TSPAN7: variants seen among roughly 807,000 people sequenced by gnomAD.
TSPAN7 encodes tetraspanin-7.
In TSPAN7, 1 loss-of-function variant was observed where a neutral mutation model predicts 17.6. The ratio of observed to expected loss-of-function variants is 0.06; its 90% CI spans 0.02 to 0.27. The LOEUF is 0.27. TSPAN7 is among the 10% of genes least tolerant of loss of function. The pLI is 1.00. For synonymous variants in TSPAN7, 78 were observed against 79.0 expected, an observed-to-expected ratio of 0.99 and a Z score of 0.07; for missense variants, 112 against 201.7, an observed-to-expected ratio of 0.56 and a Z score of 2.69.
At chrX:38,655,986 G>A (rs1027790257) in intron 1 of TSPAN7, 23 of 322,102 alleles carry the variant, frequency 7.1e-5, no homozygotes, top group East Asian at 9.8e-5. Flanking sequence ...GTTACGATTC[G>A]TTTTTCCAGA....
At chrX:38,618,273 C>T (rs1023358942) in intron 1 of TSPAN7, among the ~76,000 whole-genome samples, 9 of 112,403 alleles carry the variant, frequency 8.0e-5, no homozygotes, top group African/African-American at 2.9e-4. Context: ...TGTTCATCTC[C>T]ATCAAATGCT....
At chrX:38,644,267 T>G (rs146123710) in intron 1 of TSPAN7, among the ~76,000 whole-genome samples, 312 of 111,945 alleles carry the variant, frequency 2.8e-3, no homozygotes, top group Non-Finnish European at 4.9e-3. Context: ...ATAGCTGCAC[T>G]GTTGTTCTGG....
intron 1 of TSPAN7, among the ~76,000 whole-genome samples, chrX:38,578,982 A>G (rs1282519735): frequency 3.6e-5 from 4 of 111,544 alleles, no homozygotes; most frequent in Admixed American, 9.5e-5. Flanking sequence ...AAAACAATGC[A>G]TGTAACAAAT....
At chrX:38,671,255 A>G in intron 2 of TSPAN7, 121 bp from the exon 3 acceptor site, 1 of 682,375 alleles carries the variant, frequency 1.5e-6, no homozygotes, top group Non-Finnish European at 2.4e-6. Flanking sequence ...TTTTTTCTAA[A>G]CTTTGTCTAG....
intron 6 of TSPAN7, among the ~76,000 whole-genome samples, chrX:38,682,101 C>A (rs2069896505): frequency 8.9e-6 from 1 of 112,534 alleles, no homozygotes; most frequent in South Asian, 3.7e-4. Flanking sequence ...TTAACTCAGA[C>A]TTTGTTCAGA....
intron 1 of TSPAN7, among the ~76,000 whole-genome samples, chrX:38,625,186 T>C (rs377668172): frequency 1.4e-3 from 152 of 111,221 alleles, no homozygotes; most frequent in African/African-American, 4.8e-3. Context: ...CTTATTATTG[T>C]CTCCCTTAAT....
At chrX:38,669,265 G>C (rs2069804847) in intron 2 of TSPAN7, among the ~76,000 whole-genome samples, 1 of 111,304 alleles carries the variant, frequency 9.0e-6, no homozygotes, top group Non-Finnish European at 1.9e-5. Flanking sequence ...AATATGATTT[G>C]GTCCTTTTAT....
At chrX:38,580,670 A>G (rs186266342) in intron 1 of TSPAN7, among the ~76,000 whole-genome samples, 6 of 112,262 alleles carry the variant, frequency 5.3e-5, no homozygotes, top group African/African-American at 1.6e-4. Context: ...GGTCAAGGAT[A>G]GTACTAAGCA....
chrX:38,583,438 G>GC (rs1259123409), intron 1 of TSPAN7, among the ~76,000 whole-genome samples: 1 of 111,938 alleles, frequency 8.9e-6, no homozygotes, highest in Non-Finnish European at 1.9e-5. Context: ...ATTACTCATC[G>GC]CATTTATTCA....
At chrX:38,563,171 G>A (rs1344645529) in intron 1 of TSPAN7, 1 of 931,758 alleles carries the variant, frequency 1.1e-6, no homozygotes, top group East Asian at 7.6e-5. Context: ...CATACCAGGA[G>A]CTCTGCAATG....
At chrX:38,639,777 C>G (rs150616444) in intron 1 of TSPAN7, among the ~76,000 whole-genome samples, 278 of 109,748 alleles carry the variant, frequency 2.5e-3, no homozygotes, top group Non-Finnish European at 4.5e-3. Flanking sequence ...ACTTCAAGTT[C>G]AGGCTTAGTC....
chrX:38,611,251 C>T (rs185081653), intron 1 of TSPAN7, among the ~76,000 whole-genome samples: 99 of 112,233 alleles, frequency 8.8e-4, no homozygotes, highest in African/African-American at 2.9e-3. Flanking sequence ...TGGTGGTATG[C>T]GCATAGCATA....
At chrX:38,596,925 A>T (rs2069321465) in intron 1 of TSPAN7, among the ~76,000 whole-genome samples, 1 of 111,292 alleles carries the variant, frequency 9.0e-6, no homozygotes, top group Non-Finnish European at 1.9e-5. Context: ...AGGCTCATGG[A>T]AGATGAGCAA....
At chrX:38,632,294 A>G (rs748577170) in intron 1 of TSPAN7, among the ~76,000 whole-genome samples, 5 of 112,067 alleles carry the variant, frequency 4.5e-5, no homozygotes, top group Non-Finnish European at 7.5e-5. Flanking sequence ...TTATTCATTT[A>G]GTTTGCATAA....
At chrX:38,658,245 A>G (rs1438578057) in intron 1 of TSPAN7, among the ~76,000 whole-genome samples, 2 of 111,164 alleles carry the variant, frequency 1.8e-5, no homozygotes, top group Non-Finnish European at 3.8e-5. Context: ...TGGTGGTACA[A>G]TCTTAGCTCA....
chrX:38,667,377 T>C (rs1266214550), intron 2 of TSPAN7, among the ~76,000 whole-genome samples: 2 of 112,662 alleles, frequency 1.8e-5, no homozygotes, highest in Non-Finnish European at 3.8e-5. Context: ...CAAGGACCTG[T>C]CCTCAAAATA....
chrX:38,667,964 C>T (rs1339798424), intron 2 of TSPAN7, among the ~76,000 whole-genome samples: 1 of 112,123 alleles, frequency 8.9e-6, no homozygotes, highest in Non-Finnish European at 1.9e-5. Context: ...AAAAAGCTCT[C>T]CAGAGGATTC....
intron 1 of TSPAN7, among the ~76,000 whole-genome samples, chrX:38,579,151 T>G (rs192807395): frequency 1.3e-4 from 15 of 112,202 alleles, no homozygotes; most frequent in African/African-American, 4.2e-4. Flanking sequence ...TAATTCTTTT[T>G]TAAAAAATCA....
At chrX:38,570,325 TTACTA>T (rs932219496) in intron 1 of TSPAN7, among the ~76,000 whole-genome samples, 5 of 112,010 alleles carry the variant, frequency 4.5e-5, no homozygotes, top group South Asian at 3.7e-4. Context: ...TCAACTTAAT[TTACTA>T]TACGCAATAT....
Sources: allele counts gnomAD v4.1 joint callset (sites outside exome capture counted in the v4.1 genomes callset), GRCh38; gene constraint gnomAD v4.1.1; transcripts MANE v1.5; gene names NCBI Gene and HGNC (gene_info 2026-07-23, HGNC 2026-07-21).